The following GRM1 variants were observed in gnomAD, a reference collection of about 807,000 sequenced individuals.
The protein encoded by GRM1 is metabotropic glutamate receptor 1.
A neutral mutation model predicts 90.9 loss-of-function variants in GRM1; 33 were observed. That is an observed-to-expected ratio of 0.36 (90% CI 0.28 to 0.49). The LOEUF is 0.49. GRM1 is among the 20% of genes least tolerant of loss of function. GRM1 has a pLI of 0.99. For synonymous variants in GRM1, 700 were observed against 613.2 expected (o/e 1.14, Z -2.09); for missense variants, 1,190 against 1,534.3 (o/e 0.78, Z 3.75).
intron 2 of GRM1, among the ~76,000 whole-genome samples, chr6:146,293,034 G>T (rs1783044463): frequency 1.3e-5 from 2 of 151,990 alleles, no homozygotes; most frequent in African/African-American, 4.8e-5. Context: ...CATGTATTGT[G>T]TGATTACATT....
chr6:146,262,140 G>T (rs1016149498), intron 2 of GRM1, among the ~76,000 whole-genome samples: 3 of 151,460 alleles, frequency 2.0e-5, no homozygotes, highest in Non-Finnish European at 2.9e-5. Context: ...CTAGCTTCAG[G>T]TTTTTATGAT....
intron 2 of GRM1, among the ~76,000 whole-genome samples, chr6:146,283,678 C>T (rs975663421): frequency 2.0e-5 from 3 of 152,112 alleles, no homozygotes; most frequent in South Asian, 2.1e-4. Context: ...TCATCATTGA[C>T]GTCAGACTCT....
chr6:146,052,896 G>A (rs1437024157), intron 1 of GRM1, among the ~76,000 whole-genome samples: 2 of 151,842 alleles, frequency 1.3e-5, no homozygotes, highest in African/African-American at 2.4e-5. Context: ...ACAGGACACC[G>A]TCATATTTCC....
chr6:146,149,594 A>T (rs1480224659), intron 1 of GRM1, among the ~76,000 whole-genome samples: 1 of 152,182 alleles, frequency 6.6e-6, no homozygotes, highest in East Asian at 1.9e-4. Flanking sequence ...AAAAGAAAAT[A>T]CTTTAGGGTT....
intron 1 of GRM1, among the ~76,000 whole-genome samples, chr6:146,051,461 GATTC>G (rs1390931007): frequency 6.6e-6 from 1 of 152,078 alleles, no homozygotes; most frequent in Non-Finnish European, 1.5e-5. Flanking sequence ...AAAAGAGGAA[GATTC>G]ATATAGAGAA....
At chr6:146,170,983 ATT>A in intron 2 of GRM1, among the ~76,000 whole-genome samples, 1 of 151,996 alleles carries the variant, frequency 6.6e-6, no homozygotes, top group East Asian at 1.9e-4. Flanking sequence ...ATTGAAGTCT[ATT>A]TTTTTGCAGT....
At chr6:146,267,816 C>A (rs1781976189) in intron 2 of GRM1, among the ~76,000 whole-genome samples, 1 of 151,870 alleles carries the variant, frequency 6.6e-6, no homozygotes, top group African/African-American at 2.4e-5. Flanking sequence ...TTGTGCCCAC[C>A]AGATTAAGGG....
chr6:146,166,059 C>T (rs541024249), intron 2 of GRM1, among the ~76,000 whole-genome samples: 9 of 152,098 alleles, frequency 5.9e-5, no homozygotes, highest in South Asian at 4.2e-4. Context: ...TTTGAATAGA[C>T]GGAAAAGGAT....
intron 1 of GRM1, among the ~76,000 whole-genome samples, chr6:146,084,268 T>G (rs1313060692): frequency 6.6e-6 from 1 of 152,040 alleles, no homozygotes; most frequent in Admixed American, 6.6e-5. Context: ...TTATGTCTTG[T>G]CTTCTGCTGG....
chr6:146,083,859 G>C (rs1776449792), intron 1 of GRM1, among the ~76,000 whole-genome samples: 1 of 152,100 alleles, frequency 6.6e-6, no homozygotes, highest in South Asian at 2.1e-4. Flanking sequence ...AATCTGTCTG[G>C]TCCCAGGCTT....
At chr6:146,347,898 G>T (rs1785240689) in intron 3 of GRM1, among the ~76,000 whole-genome samples, 1 of 152,176 alleles carries the variant, frequency 6.6e-6, no homozygotes, top group Non-Finnish European at 1.5e-5. Context: ...CTGCACTCAG[G>T]TAGCCGTTTA....
intron 7 of GRM1, among the ~76,000 whole-genome samples, chr6:146,421,052 C>A (rs1481383110): frequency 6.6e-6 from 1 of 151,926 alleles, no homozygotes; most frequent in Non-Finnish European, 1.5e-5. Context: ...TGTCTAAAAA[C>A]CAAGCAGAAT....
At chr6:146,225,431 C>T (rs749454746) in intron 2 of GRM1, among the ~76,000 whole-genome samples, 3 of 152,164 alleles carry the variant, frequency 2.0e-5, no homozygotes, top group South Asian at 2.1e-4. Flanking sequence ...CAACTGCAAC[C>T]GTATCAAACT....
chr6:146,423,092 A>G (rs1044885041), intron 7 of GRM1, among the ~76,000 whole-genome samples: 3 of 152,116 alleles, frequency 2.0e-5, no homozygotes, highest in Non-Finnish European at 4.4e-5. Context: ...TAACTAAACT[A>G]CTTCTGGGGT....
intron 2 of GRM1, among the ~76,000 whole-genome samples, chr6:146,241,797 T>C (rs1014086234): frequency 6.6e-6 from 1 of 152,144 alleles, no homozygotes; most frequent in African/African-American, 2.4e-5. Context: ...AGATTTTATA[T>C]AGAGATTTTA....
chr6:146,043,343 T>A (rs1259684532), intron 1 of GRM1, among the ~76,000 whole-genome samples: 2 of 151,948 alleles, frequency 1.3e-5, no homozygotes, highest in African/African-American at 4.8e-5. Flanking sequence ...CTTTGTTTAG[T>A]CTTCCTGAAG....
At chr6:146,160,968 A>G (rs1357642822) in intron 2 of GRM1, among the ~76,000 whole-genome samples, 1 of 152,172 alleles carries the variant, frequency 6.6e-6, no homozygotes, top group Non-Finnish European at 1.5e-5. Flanking sequence ...TAAAATGTTC[A>G]TAAGAAAGCA....
At chr6:146,433,810 A>C in intron 7 of GRM1, 62 bp from the exon 8 acceptor site, 2 of 1,192,168 alleles carry the variant, frequency 1.7e-6, no homozygotes, top group Non-Finnish European at 2.5e-6. Context: ...TATGTTTTCT[A>C]TGTATTTTAT....
intron 2 of GRM1, among the ~76,000 whole-genome samples, chr6:146,270,836 TG>T (rs1247368293): frequency 7.4e-5 from 10 of 134,528 alleles, no homozygotes; most frequent in African/African-American, 3.2e-4. Flanking sequence ...CCTGCCTGCC[TG>T]CCTTTCTTTC....
Sources: allele counts gnomAD v4.1 joint callset (sites outside exome capture counted in the v4.1 genomes callset), GRCh38; gene constraint gnomAD v4.1.1; transcripts MANE v1.5; gene names NCBI Gene and HGNC (gene_info 2026-07-23, HGNC 2026-07-21).